Variants in EAF1 observed in about 807,000 individuals in gnomAD.
The protein encoded by EAF1 is ELL associated factor 1.
Under a neutral mutation model 26.6 loss-of-function variants are expected in EAF1, and 19 were observed. The ratio of observed to expected loss-of-function variants is 0.71; its 90% CI spans 0.50 to 1.05. The LOEUF is 1.05. EAF1 is among the 50% of genes least tolerant of loss of function. The pLI, the probability that EAF1 is intolerant of heterozygous loss-of-function variation, is 0.00. For missense variants in EAF1, 260 were observed against 335.5 expected (o/e 0.78, Z 1.76); for synonymous variants, 102 against 120.6 (o/e 0.85, Z 1.01).
chr3:15,431,185 A>G, intron 2 of EAF1, among the ~76,000 whole-genome samples: 1 of 152,338 alleles, frequency 6.6e-6, no homozygotes. Flanking sequence ...CCTCCCACAC[A>G]TTGGCCCATT....
chr3:15,430,671 A>C (rs2061797541), intron 2 of EAF1, among the ~76,000 whole-genome samples: 1 of 152,156 alleles, frequency 6.6e-6, no homozygotes. Flanking sequence ...GCCAGGAGTT[A>C]AGGCAGGCAG....
intron 5 of EAF1, 40 bp downstream of exon 5, chr3:15,436,615 A>C: frequency 6.8e-7 from 1 of 1,478,958 alleles, no homozygotes; most frequent in Non-Finnish European, 9.2e-7. Flanking sequence ...AGAGGGCCAT[A>C]GGTGCAGCTT....
intron 2 of EAF1, 134 bp from the exon 3 acceptor site, chr3:15,431,953 T>C (rs1039654211): frequency 6.8e-6 from 7 of 1,028,578 alleles, no homozygotes; most frequent in Non-Finnish European, 9.5e-6. Flanking sequence ...GGAGATAAAA[T>C]AGAAATCAGT....
chr3:15,441,220 C>T lies in EAF1; in HGVS notation c.*2065C>T, dbSNP rs1389653953. The T allele has an allele frequency of 6.5e-6, 1 of 153,848 alleles. No individual in the cohort carries two copies. The highest frequency in any genetic ancestry group is 2.4e-5 in the African/African-American group (1 of 41,426). The allele number at this position is 153,848 out of a possible 1,614,324, so 9.5% of individuals were successfully genotyped here. A position where few individuals can be genotyped will look rare whatever the true frequency, so the allele number is the denominator to read the frequency against. On this transcript the variant is annotated 3_prime_UTR_variant, in exon 6 of 6. Coordinates refer to ENST00000396842, the MANE Select transcript of EAF1 (RefSeq NM_033083.7). ...TTCAATTTTGTTCTCTGCACAAAGC[C>T]TTTGGTGGTTCTGCCCTCTGCCCTC...
At chr3:15,437,120 T>A (rs1248737980) in intron 5 of EAF1, among the ~76,000 whole-genome samples, 1 of 152,148 alleles carries the variant, frequency 6.6e-6, no homozygotes, top group Non-Finnish European at 1.5e-5. Flanking sequence ...GGTCTCCAAC[T>A]CCTGGCCTCA....
chr3:15,427,800 G>A lies in EAF1; in HGVS notation c.21G>A (p.Pro7=). MNGTAN[P]LLDREEHCLR... ...GGGCCATGAATGGGACCGCAAACCC[G>A]CTGCTGGACCGCGAGGAACATTGCC... The change falls in exon 1 of 6, where the codon CCG becomes CCA. Residue 7 remains proline (P), a synonymous_variant. Coordinates refer to ENST00000396842, the MANE Select transcript of EAF1 (RefSeq NM_033083.7). 1 of 1,551,434 alleles carries A rather than the reference G, an allele frequency of 6.4e-7. No individual in the cohort carries two copies. Among genetic ancestry groups the A allele is most frequent in the Non-Finnish European group, 8.7e-7 (1 of 1,146,890 alleles).
intron 4 of EAF1, among the ~76,000 whole-genome samples, chr3:15,435,810 G>A (rs12485423): frequency 1.1e-4 from 16 of 152,154 alleles, no homozygotes; most frequent in Admixed American, 3.3e-4. Flanking sequence ...TGGGACATGA[G>A]AGCTGGAAAG....
intron 4 of EAF1, among the ~76,000 whole-genome samples, chr3:15,434,890 C>T (rs562315114): frequency 3.9e-5 from 6 of 152,260 alleles, no homozygotes; most frequent in African/African-American, 1.2e-4. Context: ...GAAAACTAAG[C>T]GTAGGTGGCA....
chr3:15,427,711 AGC>A lies in EAF1; in HGVS notation c.-66_-65del, dbSNP rs764506619. On this transcript the variant is annotated 5_prime_UTR_variant, in exon 1 of 6. Coordinates refer to ENST00000396842, the MANE Select transcript of EAF1 (RefSeq NM_033083.7). ...CGGAAGCACAGTCCTCCCAGACGCC[AGC>A]GCCAGAAGCTCGGATCGCGGCTGCA... 1.2e-4 allele frequency: 175 copies of A among 1,485,814 alleles called. No individual in the cohort carries two copies. The highest frequency in any genetic ancestry group is 1.6e-4 in the Non-Finnish European group (170 of 1,090,408). 92.0% of individuals were successfully genotyped at this position (1,485,814 alleles called of 1,614,324 possible).
Position 15,428,723 on chromosome 3 carries a change from T to TG in EAF1, c.103+843dup, listed in dbSNP as rs112861969. 7.6e-3 allele frequency among the ~76,000 whole-genome samples: 1,161 copies of TG among 152,358 alleles called. 24 individuals carry two copies. The highest frequency in any genetic ancestry group is 0.027 in the African/African-American group (1,113 of 41,578). Reference sequence around the variant, plus strand: ...CCACCCTATGTCCTGGGTGAAGGTTTGGCAGTTAGGAATTGGCTGACAGAG... The same window carrying TG: ...CCACCCTATGTCCTGGGTGAAGGTTTGGGCAGTTAGGAATTGGCTGACAGAG... On this transcript the variant is annotated intron_variant, in intron 1 of 5. Coordinates refer to ENST00000396842, the MANE Select transcript of EAF1 (RefSeq NM_033083.7).
intron 5 of EAF1, chr3:15,438,617 T>C (rs1206604955): frequency 2.6e-5 from 4 of 152,440 alleles, no homozygotes; most frequent in Non-Finnish European, 5.9e-5. Context: ...CTCCACCTCT[T>C]GGGTTCAAGC....
rs2061857426 is a variant in EAF1, at chr3:15,440,227, T to C, written c.*1072T>C. ...AATGAGCACATTCTTTGATAAGGCG[T>C]ATCTATTCATGCTTTTGTACCACTG... On this transcript the variant is annotated 3_prime_UTR_variant, in exon 6 of 6. Coordinates refer to ENST00000396842, the MANE Select transcript of EAF1 (RefSeq NM_033083.7). The C allele has an allele frequency of 1.3e-5, 2 of 152,234 alleles. No individual in the cohort carries two copies. Among genetic ancestry groups the C allele is most frequent in the South Asian group, 4.1e-4 (2 of 4,834 alleles). The allele number at this position is 152,234 out of a possible 1,614,324, so 9.4% of individuals were successfully genotyped here. A position where few individuals can be genotyped will look rare whatever the true frequency, so the allele number is the denominator to read the frequency against.
rs1363698258 is a variant in EAF1, at chr3:15,427,850, A to T, written c.71A>T (p.Lys24Met). ...CTGAGGCTCGGGGAGAGCTTCGAGA[A>T]GCGGCCGCGGGCCTCCTTCCACACT... The part of the protein sequence containing the change: ...HCLRLGESFE[K>M]RPRASFHTIR... The change falls in exon 1 of 6, where the codon AAG becomes ATG. Residue 24 changes from lysine (K) to methionine (M), a missense_variant. Transcript: ENST00000396842. 1.3e-6 allele frequency: 2 copies of T among 1,550,770 alleles called. No homozygotes were observed. The highest frequency in any genetic ancestry group is 8.7e-7 in the Non-Finnish European group (1 of 1,146,598).
Position 15,432,186 on chromosome 3 carries a change from G to A in EAF1, c.298G>A (p.Glu100Lys), listed in dbSNP as rs1328147812. Residue 100 changes from glutamate (E) to lysine (K), a missense_variant, in exon 3 of 6, where the codon GAA (glutamate) becomes AAA (lysine). By Grantham distance (56) the Glu-to-Lys change is moderately conservative. Transcript: ENST00000396842. ...INHDTGEYVL[E>K]KLSSSIQVKK... Reference sequence around the variant, plus strand: ...TCATGACACTGGTGAATATGTGCTGGAAAAACTCAGTAGCAGCATTCAGGT... The same window carrying A: ...TCATGACACTGGTGAATATGTGCTGAAAAAACTCAGTAGCAGCATTCAGGT... 6.2e-7 allele frequency: 1 copy of A among 1,614,158 alleles called. No individual in the cohort carries two copies. Among genetic ancestry groups the A allele is most frequent in the South Asian group, 1.1e-5 (1 of 91,084 alleles).
At chr3:15,429,008 T>C (rs1303186584) in intron 1 of EAF1, among the ~76,000 whole-genome samples, 1 of 152,218 alleles carries the variant, frequency 6.6e-6, no homozygotes, top group African/African-American at 2.4e-5. Flanking sequence ...GTTGATGTTT[T>C]CTTTTGGTGA....
At chr3:15,431,824 T>A (rs1318173506) in intron 2 of EAF1, among the ~76,000 whole-genome samples, 5 of 152,228 alleles carry the variant, frequency 3.3e-5, no homozygotes, top group Non-Finnish European at 7.3e-5. Context: ...TTTTTCTCTC[T>A]TGGAACGTAT....
At chr3:15,429,878 C>G (rs202215951) in intron 1 of EAF1, 35 bp from the exon 2 acceptor site, 417 of 1,417,964 alleles carry the variant, frequency 2.9e-4, no homozygotes, top group South Asian at 3.7e-4. Flanking sequence ...TATAAGTAAC[C>G]TGGTGGGTAA....
At chr3:15,434,185 G>A (rs1440553411) in intron 3 of EAF1, among the ~76,000 whole-genome samples, 163 bp from the exon 4 acceptor site, 1 of 152,180 alleles carries the variant, frequency 6.6e-6, no homozygotes, top group Non-Finnish European at 1.5e-5. Flanking sequence ...ACACTCAAAT[G>A]TTGAATGAAT....
chr3:15,431,767 C>T (rs551186119), intron 2 of EAF1, among the ~76,000 whole-genome samples: 1 of 152,320 alleles, frequency 6.6e-6, no homozygotes, highest in South Asian at 2.1e-4. Flanking sequence ...CACAGTTTTA[C>T]TATACAGAGT....
Sources: gnomAD v4.1 joint callset for allele counts (sites outside exome capture counted in the v4.1 genomes callset) on GRCh38, gnomAD v4.1.1 for gene constraint, MANE v1.5 for transcripts, NCBI Gene and HGNC (gene_info 2026-07-23, HGNC 2026-07-21) for gene names.